CSMD2: variants seen among roughly 807,000 people sequenced by gnomAD.
CSMD2 encodes the protein CUB and sushi domain-containing protein 2.
In CSMD2, 130 loss-of-function variants were observed where a neutral mutation model predicts 398.5. That is an observed-to-expected ratio of 0.33 (90% confidence interval 0.28 to 0.38). CSMD2 has a LOEUF of 0.38. CSMD2 is among the 10% of genes least tolerant of loss of function. The probability of loss-of-function intolerance (pLI) is 1.00; values close to 1 mark genes in which losing one functional copy is unlikely to be tolerated. For synonymous variants in CSMD2, 1,828 were observed against 1,908.5 expected, an observed-to-expected ratio of 0.96 and a Z score of 1.10; for missense variants, 3,829 against 4,764.9, an observed-to-expected ratio of 0.80 and a Z score of 5.78.
intron 3 of CSMD2, among the ~76,000 whole-genome samples, chr1:33,958,124 T>G (rs1645231286): frequency 6.6e-6 from 1 of 152,096 alleles, no homozygotes; most frequent in African/African-American, 2.4e-5. Flanking sequence ...CCCCCACGCC[T>G]TTTCCTGACT....
intron 6 of CSMD2, among the ~76,000 whole-genome samples, chr1:33,836,902 T>G (rs906592789): frequency 1.3e-5 from 2 of 152,208 alleles, no homozygotes; most frequent in Non-Finnish European, 2.9e-5. Flanking sequence ...CCCAGTGAGA[T>G]GCATCCAGTA....
intron 1 of CSMD2, among the ~76,000 whole-genome samples, chr1:34,129,843 A>G (rs1663148459): frequency 6.6e-6 from 1 of 152,132 alleles, no homozygotes. Flanking sequence ...AGAGTCAGAC[A>G]AAACTGAATT....
chr1:33,636,234 G>A lies in CSMD2; in HGVS notation c.4969+126C>T. ...CTATACACATCCACGGCAAACCCAGGTTTGCCAGGCTTGGAGGAGCCGGGC... is the reference window on the plus strand; with the variant it reads ...CTATACACATCCACGGCAAACCCAGATTTGCCAGGCTTGGAGGAGCCGGGC... On this transcript the variant is annotated intron_variant, in intron 30 of 70. Transcript: ENST00000373381. This position sits in a 1 kb window ranked among gnomAD's most constrained non-coding sequence, Gnocchi z 4.8. 1 of 885,720 alleles carries A rather than the reference G, an allele frequency of 1.1e-6. No individual in the cohort carries two copies. The highest frequency in any genetic ancestry group is 1.7e-6 in the Non-Finnish European group (1 of 586,762). 54.9% of individuals were successfully genotyped at this position (885,720 alleles called of 1,614,324 possible).
intron 2 of CSMD2, among the ~76,000 whole-genome samples, chr1:34,065,433 C>G (rs930263608): frequency 2.0e-5 from 3 of 152,160 alleles, no homozygotes; most frequent in African/African-American, 7.2e-5. Flanking sequence ...ACATTCTAAA[C>G]CATCCCCAAA....
chr1:33,910,535 G>A (rs1369957718), intron 5 of CSMD2, among the ~76,000 whole-genome samples: 2 of 152,230 alleles, frequency 1.3e-5, no homozygotes, highest in Admixed American at 6.5e-5. Flanking sequence ...GAGTTTTGGG[G>A]AGGGCAGACA....
chr1:33,954,008 T>C (rs1334338928), intron 3 of CSMD2, among the ~76,000 whole-genome samples: 6 of 152,070 alleles, frequency 3.9e-5, no homozygotes. Flanking sequence ...GAGCAAGTCC[T>C]TTCCCTCCCC....
chr1:33,822,648 T>A (rs553871728), intron 7 of CSMD2, among the ~76,000 whole-genome samples: 2 of 152,080 alleles, frequency 1.3e-5, no homozygotes, highest in African/African-American at 4.8e-5. Context: ...GCTGGGAAAG[T>A]AAGATGGAAG....
intron 13 of CSMD2, among the ~76,000 whole-genome samples, chr1:33,766,647 C>A (rs1230167233): frequency 1.3e-5 from 2 of 152,318 alleles, no homozygotes; most frequent in East Asian, 3.9e-4. Context: ...CAGTAGTCCA[C>A]AAAGGTGTGC....
At chr1:33,866,945 A>T (rs942994960) in intron 5 of CSMD2, among the ~76,000 whole-genome samples, 12 of 152,212 alleles carry the variant, frequency 7.9e-5, no homozygotes, top group Admixed American at 5.2e-4. Context: ...GCACAGTCCT[A>T]AATCTAATAG....
At chr1:33,728,303 CA>C (rs1646605977) in intron 15 of CSMD2, among the ~76,000 whole-genome samples, 1 of 150,474 alleles carries the variant, frequency 6.6e-6, no homozygotes, top group East Asian at 2.0e-4. Context: ...TAATCAGTTT[CA>C]TAAAAGATAG....
chr1:33,966,150 T>TC (rs1242724667), intron 3 of CSMD2, among the ~76,000 whole-genome samples: 1 of 152,142 alleles, frequency 6.6e-6, no homozygotes, highest in Non-Finnish European at 1.5e-5. Flanking sequence ...TCCCTGAACT[T>TC]CCAGGGAGTT....
intron 11 of CSMD2, 21 bp downstream of exon 11, chr1:33,792,402 A>T: frequency 1.3e-6 from 2 of 1,583,668 alleles, no homozygotes; most frequent in South Asian, 1.1e-5. Flanking sequence ...CCTTCCAAAC[A>T]ACATGCCCCA....
chr1:33,646,347 T>C (rs541422008), intron 29 of CSMD2, among the ~76,000 whole-genome samples: 253 of 151,962 alleles, frequency 1.7e-3, no homozygotes, highest in Non-Finnish European at 2.7e-3. Context: ...AGCTATGAGG[T>C]TGAAATAGAG....
At chr1:34,009,240 C>CTGGCCCCACGTCTCCCCTTATCA (rs1419000933) in intron 3 of CSMD2, among the ~76,000 whole-genome samples, 3 of 152,094 alleles carry the variant, frequency 2.0e-5, no homozygotes, top group African/African-American at 7.2e-5. Flanking sequence ...AGAACCCCAG[C>CTGGCCCCACGTCTCCCCTTATCA]TGGCCCCACG....
chr1:33,824,621 T>C lies in CSMD2; in HGVS notation c.1111+1076A>G, dbSNP rs1658573716. Among the ~76,000 whole-genome samples the C allele has an allele frequency of 2.0e-5, 3 of 151,568 alleles. No homozygotes were observed. In the South Asian group the frequency reaches 6.3e-4, roughly 32 times the overall value. On this transcript the variant is annotated intron_variant, in intron 7 of 70. Transcript: ENST00000373381. ...CCACTCTATGCCCTTCTCTCCTCAA[T>C]AAGTACTTCTAGCATCTCCAGGAAA...
At chr1:33,936,050 G>T in intron 3 of CSMD2, 96 bp from the exon 4 acceptor site, 1 of 1,022,574 alleles carries the variant, frequency 9.8e-7, no homozygotes, top group South Asian at 1.6e-5. Flanking sequence ...GGCCACTCGG[G>T]CTTCCTGGAA....
intron 29 of CSMD2, among the ~76,000 whole-genome samples, chr1:33,643,889 TGAAGGAAGGAAGGAAGGAAG>T (rs3078758): frequency 0.058 from 8,317 of 142,886 alleles, 308 homozygotes; most frequent in East Asian, 0.14. Context: ...AGTCTGGGAA[TGAAGGAAGGAAGGAAGGAAG>T]GAAGGAAGGA....
chr1:33,619,601 C>T (rs1432268207), intron 37 of CSMD2, among the ~76,000 whole-genome samples: 2 of 152,154 alleles, frequency 1.3e-5, no homozygotes, highest in Non-Finnish European at 2.9e-5. Context: ...CTTGAGTGTA[C>T]ATGTGCTGAG....
intron 5 of CSMD2, among the ~76,000 whole-genome samples, chr1:33,894,375 T>C (rs1642242467): frequency 6.6e-6 from 1 of 152,226 alleles, no homozygotes; most frequent in Admixed American, 6.5e-5. Flanking sequence ...GAAGGCTTTT[T>C]TCCCCCAATG....
Sources: gnomAD v4.1 joint callset for allele counts (sites outside exome capture counted in the v4.1 genomes callset) on GRCh38, gnomAD v4.1.1 for gene constraint, Gnocchi (gnomAD v3.1) non-coding constraint, MANE v1.5 for transcripts, NCBI Gene and HGNC (gene_info 2026-07-23, HGNC 2026-07-21) for gene names.